The following CDH4 variants were observed in gnomAD, a reference collection of about 807,000 sequenced individuals.
CDH4 encodes cadherin-4.
A neutral mutation model predicts 86.0 loss-of-function variants in CDH4; 33 were observed. The observed-to-expected ratio is 0.38, with a 90% CI of 0.29 to 0.51. The LOEUF (loss-of-function observed/expected upper bound fraction) is 0.51, where lower values mean the gene tolerates loss of function less well. CDH4 is among the 20% of genes least tolerant of loss of function. CDH4 has a pLI of 0.86. For synonymous variants in CDH4, 555 were observed against 549.4 expected, an observed-to-expected ratio of 1.01 and a Z score of -0.14; for missense variants, 1,114 against 1,307.4, an observed-to-expected ratio of 0.85 and a Z score of 2.28.
intron 7 of CDH4, 82 bp downstream of exon 7, chr20:61,873,982 C>G: frequency 6.8e-7 from 1 of 1,460,350 alleles, no homozygotes; most frequent in Non-Finnish European, 9.4e-7. Context: ...GGGAGCCTCT[C>G]CAGTGGCGCC....
intron 2 of CDH4, among the ~76,000 whole-genome samples, chr20:61,660,637 C>T (rs949415774): frequency 2.0e-5 from 3 of 152,158 alleles, no homozygotes; most frequent in African/African-American, 4.8e-5. Flanking sequence ...CCTGTGGGTT[C>T]GTGGATGTCA....
intron 4 of CDH4, among the ~76,000 whole-genome samples, chr20:61,784,809 C>T (rs373256270): frequency 9.2e-5 from 14 of 152,176 alleles, no homozygotes; most frequent in Admixed American, 4.6e-4. Flanking sequence ...CCTGTGCCCC[C>T]GGGGCCTCAT....
intron 2 of CDH4, among the ~76,000 whole-genome samples, chr20:61,345,694 AC>A (rs1459790200): frequency 6.6e-6 from 1 of 152,174 alleles, no homozygotes; most frequent in African/African-American, 2.4e-5. Flanking sequence ...GTTTGTGGTC[AC>A]CCCTGCACTG....
At chr20:61,494,938 G>A (rs2085649579) in intron 2 of CDH4, among the ~76,000 whole-genome samples, 1 of 152,256 alleles carries the variant, frequency 6.6e-6, no homozygotes, top group Admixed American at 6.5e-5. Context: ...TTTGGCGTGG[G>A]CCCTCCGCCA....
At position 61,565,215 on chromosome 20, in the gene CDH4, C is replaced by CGGTGCTCTTGGTGATGGT. The variant is rs2086267652; in HGVS notation, c.170-178344_170-178343insCTCTTGGTGATGGTGGTG. Among the ~76,000 whole-genome samples the CGGTGCTCTTGGTGATGGT allele has an allele frequency of 4.9e-5, 2 of 41,168 alleles. 1 individual carries two copies. The highest frequency in any genetic ancestry group is 9.0e-5 in the Non-Finnish European group (2 of 22,246). 27.0% of individuals were successfully genotyped at this position (41,168 alleles called of 152,430 possible). On this transcript the variant is annotated intron_variant, in intron 2 of 15. Transcript: ENST00000614565. ...CTCTTGGTGGTGGTCGCGGTGCTCT[C>CGGTGCTCTTGGTGATGGT]GGTGGTAGGTGGTGGTGGTGGTGGT...
intron 2 of CDH4, among the ~76,000 whole-genome samples, chr20:61,665,087 C>A (rs2087307875): frequency 6.6e-6 from 1 of 152,222 alleles, no homozygotes; most frequent in Non-Finnish European, 1.5e-5. Flanking sequence ...GTGGCTCCTC[C>A]CTGAGTCAGA....
At chr20:61,342,521 A>T (rs1328940998) in intron 2 of CDH4, among the ~76,000 whole-genome samples, 3 of 152,174 alleles carry the variant, frequency 2.0e-5, no homozygotes, top group Non-Finnish European at 4.4e-5. Context: ...CACTGATCTG[A>T]TGGGAGGTGG....
intron 2 of CDH4, among the ~76,000 whole-genome samples, chr20:61,429,113 TATA>T (rs1421476161): frequency 6.6e-6 from 1 of 151,810 alleles, no homozygotes; most frequent in Non-Finnish European, 1.5e-5. Context: ...GGTAAGCTTA[TATA>T]ATGACAGCTT....
chr20:61,916,134 T>TA lies in CDH4; in HGVS notation c.1374+5528dup, dbSNP rs1280297451. Among the ~76,000 whole-genome samples the TA allele has an allele frequency of 2.0e-5, 3 of 149,176 alleles. No individual in the cohort carries two copies. The East Asian group carries it at 5.9e-4, about 29-fold the overall frequency. ...CCAAAATTGGTTTTGCATTCTTTGG[T>TA]AGAGACGTCGTCTTTTCAGGCATTC... On this transcript the variant is annotated intron_variant, in intron 9 of 15. Transcript: ENST00000614565.
At position 61,879,701 on chromosome 20, in the gene CDH4, G is replaced by A. The variant is rs1984196232; in HGVS notation, c.1050+5801G>A. On this transcript the variant is annotated intron_variant, in intron 7 of 15. Transcript: ENST00000614565. The surrounding 1 kb of genome is among the most constrained non-coding windows in gnomAD (Gnocchi z 4.1). The stretch of plus-strand genomic sequence containing the variant: ...ATTAGAATATTTATGGCCTAATGAG[G>A]AGGTGAACGTGCCGCCCGAGCCCCG... 6.6e-6 allele frequency among the ~76,000 whole-genome samples: 1 copy of A among 152,080 alleles called. No homozygotes were observed.
At chr20:61,469,870 A>G in intron 2 of CDH4, among the ~76,000 whole-genome samples, 1 of 152,052 alleles carries the variant, frequency 6.6e-6, no homozygotes, top group Non-Finnish European at 1.5e-5. Context: ...TGTTCACTGA[A>G]GGTATGTGGA....
chr20:61,764,275 G>A (rs1043003657), intron 3 of CDH4, among the ~76,000 whole-genome samples: 4 of 152,252 alleles, frequency 2.6e-5, no homozygotes, highest in Non-Finnish European at 5.9e-5. Flanking sequence ...CACCTTGCCC[G>A]TGAACCCCGG....
chr20:61,631,172 A>G (rs2086884126), intron 2 of CDH4, among the ~76,000 whole-genome samples: 1 of 152,242 alleles, frequency 6.6e-6, no homozygotes, highest in East Asian at 1.9e-4. Context: ...AGCATAAGAC[A>G]GCGTGGCTCC....
intron 4 of CDH4, among the ~76,000 whole-genome samples, chr20:61,779,780 G>A (rs185557295): frequency 3.4e-4 from 52 of 152,360 alleles, no homozygotes; most frequent in Admixed American, 4.6e-4. Context: ...AGCTGGGTCT[G>A]CATCCCGAGA....
At chr20:61,881,453 C>T (rs1984271909) in intron 7 of CDH4, among the ~76,000 whole-genome samples, 2 of 152,254 alleles carry the variant, frequency 1.3e-5, no homozygotes, top group Admixed American at 6.5e-5. Context: ...GAGCCGCTCC[C>T]GTGAGCCGGC....
chr20:61,450,077 T>C (rs1443483898), intron 2 of CDH4, among the ~76,000 whole-genome samples: 9 of 152,226 alleles, frequency 5.9e-5, no homozygotes, highest in Admixed American at 5.9e-4. Flanking sequence ...TGAGGGTATG[T>C]TAATTTCTAC....
At chr20:61,405,927 G>C (rs764887586) in intron 2 of CDH4, among the ~76,000 whole-genome samples, 2 of 152,120 alleles carry the variant, frequency 1.3e-5, no homozygotes, top group African/African-American at 4.8e-5. Context: ...TGATCCATCC[G>C]CCTCGGCCTC....
chr20:61,333,251 GCACACACACATGTACA>G (rs2084594260), intron 2 of CDH4, among the ~76,000 whole-genome samples: 1 of 130,462 alleles, frequency 7.7e-6, no homozygotes, highest in Admixed American at 7.9e-5. Context: ...ACAGGCACAT[GCACACACACATGTACA>G]CACACACACA....
intron 9 of CDH4, among the ~76,000 whole-genome samples, chr20:61,918,988 A>G (rs900116133): frequency 2.0e-5 from 3 of 152,174 alleles, no homozygotes; most frequent in African/African-American, 7.2e-5. Context: ...TTCCCACTTC[A>G]GCCTCCTGGG....
Sources: gnomAD v4.1 joint callset for allele counts (sites outside exome capture counted in the v4.1 genomes callset) on GRCh38, gnomAD v4.1.1 for gene constraint, Gnocchi (gnomAD v3.1) non-coding constraint, MANE v1.5 for transcripts, NCBI Gene and HGNC (gene_info 2026-07-23, HGNC 2026-07-21) for gene names.